Variants in RNF214 observed in about 807,000 individuals in gnomAD.
RNF214 encodes ring finger protein 214.
Under a neutral mutation model 75.9 loss-of-function variants are expected in RNF214, and 25 were observed. That is an observed-to-expected ratio of 0.33 (90% CI 0.24 to 0.46). RNF214 has a LOEUF of 0.46. Ranked by LOEUF, RNF214 falls within the 20% of genes least tolerant of loss-of-function variation. The probability of loss-of-function intolerance (pLI) is 1.00; values close to 1 mark genes in which losing one functional copy is unlikely to be tolerated. For synonymous variants in RNF214, 314 were observed against 308.8 expected (o/e 1.02, Z -0.18); for missense variants, 725 against 857.5 (o/e 0.85, Z 1.93).
chr11:117,247,066 A>C, intron 6 of RNF214, 118 bp downstream of exon 6: 1 of 791,338 alleles, frequency 1.3e-6, no homozygotes, highest in African/African-American at 1.7e-5. Context: ...AAACAAGTGT[A>C]CAAGTAAAAA....
At chr11:117,235,348 C>A (rs1000307777) in intron 2 of RNF214, among the ~76,000 whole-genome samples, 7 of 152,024 alleles carry the variant, frequency 4.6e-5, no homozygotes, top group Non-Finnish European at 2.9e-5. Context: ...AGGCGCCCGC[C>A]ACTACGCCCG....
Position 117,245,130 on chromosome 11 carries a change from C to A in RNF214, c.819+545C>A, listed in dbSNP as rs55869823. Among the ~76,000 whole-genome samples the A allele has an allele frequency of 3.3e-5, 5 of 150,280 alleles. No homozygotes were observed. The South Asian group carries it at 1.1e-3, about 32-fold the overall frequency. ...GTCCAGGAGTTCGAACCAGCCTGGG[C>A]AACATGGCAAAATCCCATCTTTACC... On this transcript the variant is annotated intron_variant, in intron 5 of 14. Coordinates refer to ENST00000300650, the MANE Select transcript of RNF214 (RefSeq NM_207343.4).
chr11:117,246,469 C>A (rs2033229444), intron 5 of RNF214, among the ~76,000 whole-genome samples: 1 of 152,176 alleles, frequency 6.6e-6, no homozygotes, highest in South Asian at 2.1e-4. Context: ...GGTACAAGAA[C>A]ACCTTTCTCA....
rs557222623 is a variant in RNF214, at chr11:117,254,062, T to C, written c.959+7114T>C. Among the ~76,000 whole-genome samples the C allele has an allele frequency of 2.0e-5, 3 of 152,240 alleles. No individual in the cohort carries two copies. The East Asian group carries it at 5.8e-4, about 29-fold the overall frequency. ...TGAGGTCAGGAGTTGGAGACCAGCC[T>C]GGCCAACATGGCGAAACCCCATCTG... On this transcript the variant is annotated intron_variant, in intron 6 of 14. Transcript: ENST00000300650.
intron 6 of RNF214, among the ~76,000 whole-genome samples, chr11:117,247,869 A>C (rs921208712): frequency 1.3e-5 from 2 of 151,764 alleles, no homozygotes; most frequent in Non-Finnish European, 2.9e-5. Context: ...AAAAAAAAAA[A>C]AACAAAACAA....
At position 117,285,349 on chromosome 11, in the gene RNF214, G is replaced by A; in HGVS notation, c.*198G>A. On this transcript the variant is annotated 3_prime_UTR_variant, in exon 15 of 15. Transcript: ENST00000300650. ...TATGTATATTATGCAGAAACAGTCT[G>A]TTCCCCCTCATCTTGCAATTCCTTT... The A allele has an allele frequency of 2.3e-6, 1 of 444,242 alleles. No individual in the cohort carries two copies. The allele number at this position is 444,242 out of a possible 1,614,324, so 27.5% of individuals were successfully genotyped here. A position where few individuals can be genotyped will look rare whatever the true frequency, so the allele number is the denominator to read the frequency against.
intron 6 of RNF214, among the ~76,000 whole-genome samples, chr11:117,251,374 G>A (rs866535868): frequency 4.4e-5 from 6 of 136,910 alleles, no homozygotes; most frequent in Admixed American, 2.1e-4. Context: ...CTGGCCGGGC[G>A]GGGGGCTGAC....
chr11:117,234,210 T>C, intron 1 of RNF214, 57 bp from the exon 2 acceptor site: 17 of 1,249,404 alleles, frequency 1.4e-5, no homozygotes, highest in Non-Finnish European at 2.0e-5. Flanking sequence ...GGGGGAGAGA[T>C]ACATTTGTTT....
intron 6 of RNF214, among the ~76,000 whole-genome samples, chr11:117,247,867 A>G (rs187103549): frequency 6.6e-6 from 1 of 151,894 alleles, no homozygotes; most frequent in East Asian, 1.9e-4. Context: ...AAAAAAAAAA[A>G]AAAACAAAAC....
At chr11:117,248,929 A>G (rs886524003) in intron 6 of RNF214, among the ~76,000 whole-genome samples, 1 of 151,354 alleles carries the variant, frequency 6.6e-6, no homozygotes, top group African/African-American at 2.4e-5. Flanking sequence ...TGTTCTTTAC[A>G]TTCTTTTTTT....
intron 6 of RNF214, among the ~76,000 whole-genome samples, chr11:117,260,933 C>T (rs1382335224): frequency 1.3e-5 from 2 of 149,706 alleles, no homozygotes; most frequent in African/African-American, 4.9e-5. Context: ...GGATTACAGG[C>T]GTGAGCCACC....
chr11:117,271,851 C>T (rs1048219620), intron 6 of RNF214, among the ~76,000 whole-genome samples: 12 of 152,096 alleles, frequency 7.9e-5, no homozygotes, highest in South Asian at 4.2e-4. Context: ...GACAGGGTCT[C>T]GCTGCATCAT....
At chr11:117,268,049 A>G (rs1281112977) in intron 6 of RNF214, among the ~76,000 whole-genome samples, 1 of 152,210 alleles carries the variant, frequency 6.6e-6, no homozygotes, top group African/African-American at 2.4e-5. Flanking sequence ...AGCCAAGGTA[A>G]CCCTTTACAA....
chr11:117,276,191 G>A (rs1331170690), intron 6 of RNF214, among the ~76,000 whole-genome samples: 4 of 151,624 alleles, frequency 2.6e-5, no homozygotes, highest in Admixed American at 1.3e-4. Context: ...ATCCCTTTGT[G>A]GTAAAAAAAA....
intron 6 of RNF214, among the ~76,000 whole-genome samples, chr11:117,254,258 A>G (rs2033468524): frequency 6.6e-6 from 1 of 152,134 alleles, no homozygotes; most frequent in Non-Finnish European, 1.5e-5. Context: ...CAAAGAAAAA[A>G]AAAAACAAAG....
At chr11:117,247,223 C>T (rs556381741) in intron 6 of RNF214, among the ~76,000 whole-genome samples, 140 of 152,306 alleles carry the variant, frequency 9.2e-4, no homozygotes, top group African/African-American at 3.2e-3. Flanking sequence ...GACGTAGCGG[C>T]TCACACCTAT....
chr11:117,244,823 G>A (rs962111082), intron 5 of RNF214, among the ~76,000 whole-genome samples: 7 of 151,710 alleles, frequency 4.6e-5, no homozygotes, highest in Non-Finnish European at 7.4e-5. Context: ...GTGCCACTAT[G>A]CCTGGCTCAT....
intron 5 of RNF214, among the ~76,000 whole-genome samples, chr11:117,245,655 T>C (rs2033202204): frequency 6.6e-6 from 1 of 152,172 alleles, no homozygotes; most frequent in Non-Finnish European, 1.5e-5. Context: ...CATAGACTTT[T>C]AATAAAGAAT....
intron 6 of RNF214, among the ~76,000 whole-genome samples, chr11:117,272,572 T>TACACA (rs1412245718): frequency 1.3e-5 from 2 of 152,138 alleles, no homozygotes. Flanking sequence ...ACCTACATAT[T>TACACA]CTGCACTAGT....
Sources: gnomAD v4.1 joint callset for allele counts (sites outside exome capture counted in the v4.1 genomes callset) on GRCh38, gnomAD v4.1.1 for gene constraint, MANE v1.5 for transcripts, NCBI Gene and HGNC (gene_info 2026-07-23, HGNC 2026-07-21) for gene names.